Variants in ADAMTS3 observed in about 807,000 individuals in gnomAD.
The protein encoded by ADAMTS3 is ADAM metallopeptidase with thrombospondin type 1 motif 3.
A neutral mutation model predicts 129.0 loss-of-function variants in ADAMTS3; 73 were observed. The observed-to-expected ratio is 0.57, with a 90% CI of 0.47 to 0.69. ADAMTS3 has a LOEUF of 0.69. Ranked by LOEUF, ADAMTS3 falls within the 30% of genes least tolerant of loss-of-function variation. ADAMTS3 has a pLI of 0.00. For synonymous variants in ADAMTS3, 477 were observed against 510.8 expected (o/e 0.93, Z 0.89); for missense variants, 1,457 against 1,514.5 (o/e 0.96, Z 0.63).
chr4:72,557,357 AT>A (rs1432585479), intron 2 of ADAMTS3, among the ~76,000 whole-genome samples: 1 of 151,742 alleles, frequency 6.6e-6, no homozygotes, highest in East Asian at 1.9e-4. Context: ...CTTAAGGGGA[AT>A]GGTACACATC....
chr4:72,329,558 C>G (rs1361581537), intron 5 of ADAMTS3, among the ~76,000 whole-genome samples: 1 of 152,092 alleles, frequency 6.6e-6, no homozygotes, highest in East Asian at 1.9e-4. Flanking sequence ...GATATCAGTG[C>G]TTGTTCTCTT....
At chr4:72,447,577 C>T (rs1425695631) in intron 3 of ADAMTS3, among the ~76,000 whole-genome samples, 1 of 151,698 alleles carries the variant, frequency 6.6e-6, no homozygotes, top group African/African-American at 2.4e-5. Flanking sequence ...GTAAAAATTA[C>T]TTAAGATTTT....
chr4:72,529,639 A>G (rs116776910), intron 3 of ADAMTS3, among the ~76,000 whole-genome samples: 37,193 of 130,294 alleles, frequency 0.29, 5,560 homozygotes, highest in Middle Eastern at 0.34. Flanking sequence ...AATATTATAT[A>G]TAATACATTA....
At chr4:72,373,090 GA>G (rs1398024567) in intron 4 of ADAMTS3, among the ~76,000 whole-genome samples, 1 of 152,048 alleles carries the variant, frequency 6.6e-6, no homozygotes, top group African/African-American at 2.4e-5. Context: ...GTGGAAACTA[GA>G]AAGGTAATTT....
intron 3 of ADAMTS3, among the ~76,000 whole-genome samples, chr4:72,444,891 T>C (rs1374011197): frequency 6.6e-6 from 1 of 151,736 alleles, no homozygotes; most frequent in Non-Finnish European, 1.5e-5. Flanking sequence ...AACTGATGCA[T>C]GCTACGACAT....
chr4:72,481,059 TA>T (rs1391592881), intron 3 of ADAMTS3, among the ~76,000 whole-genome samples: 1 of 151,996 alleles, frequency 6.6e-6, no homozygotes, highest in South Asian at 2.1e-4. Flanking sequence ...ATCAAAGACC[TA>T]AATAAAGGGA....
chr4:72,410,567 G>T (rs926692684), intron 4 of ADAMTS3, among the ~76,000 whole-genome samples: 1 of 152,088 alleles, frequency 6.6e-6, no homozygotes, highest in Non-Finnish European at 1.5e-5. Flanking sequence ...GTAAAATGCT[G>T]AATGATGTCA....
At chr4:72,312,038 C>A (rs181788503) in intron 13 of ADAMTS3, 2 of 390,644 alleles carry the variant, frequency 5.1e-6, no homozygotes, top group African/African-American at 2.0e-5. Flanking sequence ...CTCTCCCAGG[C>A]GTTCCTTTCC....
In ADAMTS3 at chr4:72,288,720, G is replaced by A. The variant is rs777726463; in HGVS notation, c.3049+31C>T. ...TGCTTTTTGAGGTTTAAAAACATCA[G>A]AGCAGTGAAGTCAATTGGTGTGACA... On this transcript the variant is annotated intron_variant, in intron 21 of 21. Coordinates refer to ENST00000286657, the MANE Select transcript of ADAMTS3 (RefSeq NM_014243.3). The A allele has an allele frequency of 1.3e-5, 18 of 1,370,504 alleles. No homozygotes were observed. The African/African-American group carries it at 2.4e-4, about 18-fold the overall frequency. The allele number at this position is 1,370,504 out of a possible 1,614,324, so 84.9% of individuals were successfully genotyped here. A position where few individuals can be genotyped will look rare whatever the true frequency, so the allele number is the denominator to read the frequency against.
intron 15 of ADAMTS3, among the ~76,000 whole-genome samples, chr4:72,308,729 CTAT>C (rs1287833969): frequency 6.6e-6 from 1 of 151,774 alleles, no homozygotes; most frequent in Non-Finnish European, 1.5e-5. Flanking sequence ...ATAATTTTGC[CTAT>C]TATTTGATGC....
At chr4:72,455,706 A>G (rs1468485461) in intron 3 of ADAMTS3, among the ~76,000 whole-genome samples, 4 of 146,888 alleles carry the variant, frequency 2.7e-5, no homozygotes, top group East Asian at 2.0e-4. Flanking sequence ...GATGTTAGTG[A>G]TATCTGTCGG....
At chr4:72,388,196 A>C (rs1232354010) in intron 4 of ADAMTS3, among the ~76,000 whole-genome samples, 1 of 152,332 alleles carries the variant, frequency 6.6e-6, no homozygotes, top group East Asian at 1.9e-4. Context: ...ACCCCAGCCC[A>C]CTGATTATGC....
intron 3 of ADAMTS3, among the ~76,000 whole-genome samples, chr4:72,524,445 T>A (rs1333268265): frequency 1.3e-5 from 2 of 152,076 alleles, no homozygotes; most frequent in Admixed American, 6.6e-5. Context: ...CAGCTAAAAA[T>A]AATAATAATA....
chr4:72,352,583 C>T (rs561866854), intron 4 of ADAMTS3, among the ~76,000 whole-genome samples: 13 of 151,982 alleles, frequency 8.6e-5, no homozygotes, highest in Non-Finnish European at 1.3e-4. Context: ...AGCTGAATTC[C>T]GGTCATCAAG....
Position 72,304,041 on chromosome 4 carries a change from C to T in ADAMTS3, c.2300G>A (p.Gly767Asp). ...NQATGHYILN[G>D]KGEEAKSRTF... is the part of the protein sequence containing the mutation. ...CCGCGACTTGGCTTCCTCCCCTTTG[C>T]CATTTAAAATATAATGGCCTGTAGC... The change falls in exon 17 of 22, where the codon GGC (glycine) becomes GAC (aspartate). Residue 767 changes from glycine to aspartate, a missense_variant. Physicochemically the swap from Gly to Asp is moderately conservative, Grantham distance 94. Coordinates refer to ENST00000286657, the MANE Select transcript of ADAMTS3 (RefSeq NM_014243.3). 3 of 1,613,524 alleles carry T rather than the reference C, an allele frequency of 1.9e-6. No homozygotes were observed. The highest frequency in any genetic ancestry group is 2.5e-6 in the Non-Finnish European group (3 of 1,179,662).
At chr4:72,358,372 C>T (rs1460347282) in intron 4 of ADAMTS3, among the ~76,000 whole-genome samples, 3 of 151,984 alleles carry the variant, frequency 2.0e-5, no homozygotes, top group African/African-American at 7.2e-5. Context: ...AGGGTCTGCA[C>T]CAGACTTTTT....
chr4:72,502,198 C>A (rs1255796190), intron 3 of ADAMTS3, among the ~76,000 whole-genome samples: 1 of 152,042 alleles, frequency 6.6e-6, no homozygotes, highest in Non-Finnish European at 1.5e-5. Context: ...AGTGCCAGGT[C>A]TTTTTTGTAC....
intron 4 of ADAMTS3, among the ~76,000 whole-genome samples, chr4:72,367,876 G>A (rs913124824): frequency 6.6e-6 from 1 of 150,456 alleles, no homozygotes; most frequent in African/African-American, 2.4e-5. Context: ...AAGACAACTA[G>A]TTGGGAGTCT....
intron 5 of ADAMTS3, among the ~76,000 whole-genome samples, chr4:72,333,401 T>G (rs1425581815): frequency 1.3e-5 from 2 of 152,196 alleles, no homozygotes; most frequent in African/African-American, 4.8e-5. Flanking sequence ...TCTCTTTCCC[T>G]CAGCCCATGG....
Sources: allele counts gnomAD v4.1 joint callset (sites outside exome capture counted in the v4.1 genomes callset), GRCh38; gene constraint gnomAD v4.1.1; transcripts MANE v1.5; gene names NCBI Gene and HGNC (gene_info 2026-07-23, HGNC 2026-07-21).